Variants in ZNF131 observed in about 807,000 individuals in gnomAD.
ZNF131 encodes zinc finger and BTB domain containing 35.
Under a neutral mutation model 60.0 loss-of-function variants are expected in ZNF131, and 7 were observed. The observed-to-expected ratio is 0.12, with a 90% CI of 0.07 to 0.22. The LOEUF is 0.22. Ranked by LOEUF, ZNF131 falls within the 10% of genes least tolerant of loss-of-function variation. The pLI is 1.00. For synonymous variants in ZNF131, 257 were observed against 253.2 expected (o/e 1.01, Z -0.14); for missense variants, 493 against 740.9 (o/e 0.67, Z 3.88).
intron 3 of ZNF131, among the ~76,000 whole-genome samples, chr5:43,125,765 A>G (rs758888996): frequency 8.6e-5 from 13 of 151,802 alleles, no homozygotes; most frequent in Admixed American, 5.2e-4. Flanking sequence ...GGGCAACAAG[A>G]GTGAAACTCC....
At chr5:43,162,152 G>C (rs557482820) in intron 5 of ZNF131, among the ~76,000 whole-genome samples, 2 of 152,158 alleles carry the variant, frequency 1.3e-5, no homozygotes, top group Admixed American at 1.3e-4. Context: ...TTTATGCCTT[G>C]CCCAATTTTT....
At chr5:43,134,514 C>G (rs1275112551) in intron 3 of ZNF131, among the ~76,000 whole-genome samples, 1 of 151,836 alleles carries the variant, frequency 6.6e-6, no homozygotes, top group East Asian at 1.9e-4. Flanking sequence ...AGCAATTAGG[C>G]AAGAAAAAGA....
At chr5:43,153,254 C>T (rs1221750773) in intron 4 of ZNF131, among the ~76,000 whole-genome samples, 1 of 152,078 alleles carries the variant, frequency 6.6e-6, no homozygotes, top group Non-Finnish European at 1.5e-5. Context: ...CTAACCCTGG[C>T]TTTGGCCAGG....
In ZNF131 at chr5:43,173,388, C is replaced by T. The variant is rs759918631; in HGVS notation, c.1125C>T (p.Leu375=). 1.9e-6 allele frequency: 3 copies of T among 1,613,194 alleles called. No individual in the cohort carries two copies. Among genetic ancestry groups the T allele is most frequent in the South Asian group, 1.1e-5 (1 of 91,036 alleles). Reference sequence around the variant, plus strand: ...GAAATAGCACTCTGAAATGTCACCTCACTGCATGCCAAACTGGAGTAGGGG... The same window carrying T: ...GAAATAGCACTCTGAAATGTCACCTTACTGCATGCCAAACTGGAGTAGGGG... ...FARNSTLKCH[L]TACQTGVGAK... The change falls in exon 6 of 7, where the codon CTC becomes CTT. Residue 375 remains leucine, a synonymous_variant. Transcript: ENST00000682664.
intron 3 of ZNF131, among the ~76,000 whole-genome samples, chr5:43,134,702 T>TC (rs551506017): frequency 1.3e-4 from 18 of 143,134 alleles, no homozygotes; most frequent in East Asian, 2.0e-4. Context: ...TCTTTTTTTT[T>TC]TTTTTTTTTT....
intron 5 of ZNF131, among the ~76,000 whole-genome samples, chr5:43,171,801 G>A (rs1006876558): frequency 6.6e-6 from 1 of 152,066 alleles, no homozygotes; most frequent in African/African-American, 2.4e-5. Flanking sequence ...TGTATTTTTG[G>A]TAGAGTCGGA....
At chr5:43,127,513 A>G (rs1744702608) in intron 3 of ZNF131, among the ~76,000 whole-genome samples, 1 of 152,250 alleles carries the variant, frequency 6.6e-6, no homozygotes, top group South Asian at 2.1e-4. Flanking sequence ...GCACTGCCCT[A>G]GCATGATTCT....
chr5:43,148,494 GACAA>G (rs1301884373), intron 4 of ZNF131, among the ~76,000 whole-genome samples: 2 of 152,208 alleles, frequency 1.3e-5, no homozygotes, highest in South Asian at 2.1e-4. Context: ...GTCAGGAGAT[GACAA>G]ACATTTTATT....
chr5:43,166,180 T>TTA (rs1299057300), intron 5 of ZNF131, among the ~76,000 whole-genome samples: 1 of 152,238 alleles, frequency 6.6e-6, no homozygotes, highest in East Asian at 1.9e-4. Context: ...TTTTGCTTTC[T>TTA]TACCATTCAT....
At chr5:43,139,781 G>T (rs1022168130) in intron 4 of ZNF131, among the ~76,000 whole-genome samples, 1 of 152,186 alleles carries the variant, frequency 6.6e-6, no homozygotes, top group African/African-American at 2.4e-5. Context: ...TATAGTAGAT[G>T]TGCTAAATCT....
intron 3 of ZNF131, chr5:43,124,880 A>G (rs1293515273): frequency 6.6e-6 from 1 of 152,148 alleles, no homozygotes; most frequent in Non-Finnish European, 1.5e-5. Flanking sequence ...TTAAAAAATT[A>G]TTAGCTGAGT....
intron 4 of ZNF131, among the ~76,000 whole-genome samples, chr5:43,152,717 C>T (rs1186008158): frequency 6.6e-6 from 1 of 152,162 alleles, no homozygotes; most frequent in Non-Finnish European, 1.5e-5. Context: ...GATGATCCTC[C>T]CACCTCAGCC....
intron 3 of ZNF131, among the ~76,000 whole-genome samples, chr5:43,130,424 CA>C (rs1433056169): frequency 6.6e-6 from 1 of 152,004 alleles, no homozygotes. Context: ...AGAGCAGATT[CA>C]AAATGATATT....
chr5:43,162,969 C>CTTTTTTTTTTTT (rs1205635519), intron 5 of ZNF131, among the ~76,000 whole-genome samples: 768 of 64,864 alleles, frequency 0.012, 78 homozygotes, highest in East Asian at 0.035. Context: ...TTTTATTTGC[C>CTTTTTTTTTTTT]TTTTTTTTTT....
At chr5:43,129,604 A>T (rs754222927) in intron 3 of ZNF131, among the ~76,000 whole-genome samples, 18 of 152,216 alleles carry the variant, frequency 1.2e-4, no homozygotes, top group Non-Finnish European at 2.5e-4. Context: ...ACATAGCCCC[A>T]TGTTAGCTGA....
chr5:43,140,042 C>T (rs1359184560), intron 4 of ZNF131, among the ~76,000 whole-genome samples: 1 of 151,988 alleles, frequency 6.6e-6, no homozygotes, highest in Non-Finnish European at 1.5e-5. Context: ...ATGGTGAAAC[C>T]CTGTCTCTAC....
chr5:43,171,816 C>T (rs369010326), intron 5 of ZNF131, among the ~76,000 whole-genome samples: 7 of 152,116 alleles, frequency 4.6e-5, no homozygotes, highest in African/African-American at 9.7e-5. Flanking sequence ...GTCGGAGATT[C>T]GCAGTGTTGG....
At chr5:43,172,595 C>T (rs888119950) in intron 5 of ZNF131, among the ~76,000 whole-genome samples, 2 of 149,128 alleles carry the variant, frequency 1.3e-5, no homozygotes, top group South Asian at 2.1e-4. Context: ...GCACTCCAGC[C>T]TAGGTGACAG....
At chr5:43,146,946 C>T (rs1747663274) in intron 4 of ZNF131, among the ~76,000 whole-genome samples, 1 of 152,030 alleles carries the variant, frequency 6.6e-6, no homozygotes, top group Non-Finnish European at 1.5e-5. Context: ...CAGACACCAC[C>T]ACAATCAAGA....
Sources: gnomAD v4.1 joint callset for allele counts (sites outside exome capture counted in the v4.1 genomes callset) on GRCh38, gnomAD v4.1.1 for gene constraint, MANE v1.5 for transcripts, NCBI Gene and HGNC (gene_info 2026-07-23, HGNC 2026-07-21) for gene names.